Variants in CNGB3 observed in about 807,000 individuals in gnomAD.
The protein encoded by CNGB3 is cyclic nucleotide gated channel subunit beta 3, also known as cyclic nucleotide-gated channel beta-3.
In CNGB3, 86 loss-of-function variants were observed where a neutral mutation model predicts 92.8. The ratio of observed to expected loss-of-function variants is 0.93; its 90% CI spans 0.78 to 1.11. CNGB3 has a LOEUF of 1.11. Among genes scored for constraint, CNGB3 ranks in the 50% least tolerant of loss-of-function variants. CNGB3 has a pLI of 0.00. For synonymous variants in CNGB3, 333 were observed against 332.7 expected (o/e 1.00, Z -0.01); for missense variants, 1,026 against 956.8 (o/e 1.07, Z -0.95).
chr8:86,685,071 G>C (rs4961208), intron 3 of CNGB3, among the ~76,000 whole-genome samples: 42,945 of 151,994 alleles, frequency 0.28, 6,361 homozygotes, highest in East Asian at 0.4. Context: ...TCAATATCCT[G>C]GTTGTGAGAT....
chr8:86,641,001 A>G lies in CNGB3; in HGVS notation c.1178+2750T>C, dbSNP rs530401498. ...GAAACAGGAGGTTGGCACAAGATACAGGTAACAGAGAGCTTGCTGATAAAT... is the reference window on the plus strand; with the variant it reads ...GAAACAGGAGGTTGGCACAAGATACGGGTAACAGAGAGCTTGCTGATAAAT... On this transcript the variant is annotated intron_variant, in intron 10 of 17. Transcript: ENST00000320005. 3.7e-4 allele frequency among the ~76,000 whole-genome samples: 56 copies of G among 152,136 alleles called. 1 individual carries two copies. The highest frequency in any genetic ancestry group is 3.3e-3 in the Admixed American group (50 of 15,244).
At chr8:86,672,445 C>T (rs1330031767) in intron 3 of CNGB3, among the ~76,000 whole-genome samples, 4 of 152,136 alleles carry the variant, frequency 2.6e-5, no homozygotes, top group Non-Finnish European at 4.4e-5. Flanking sequence ...TAGCATGGAG[C>T]ATAGAGTAGA....
chr8:86,709,008 C>G (rs1181754430), intron 3 of CNGB3, among the ~76,000 whole-genome samples: 1 of 152,070 alleles, frequency 6.6e-6, no homozygotes, highest in African/African-American at 2.4e-5. Flanking sequence ...ATGTGCAGCC[C>G]AGGGAGCCAT....
chr8:86,695,109 A>G (rs1458786713), intron 3 of CNGB3, among the ~76,000 whole-genome samples: 2 of 152,118 alleles, frequency 1.3e-5, no homozygotes, highest in East Asian at 3.9e-4. Flanking sequence ...AGCCTGGCCA[A>G]CACAGCGAAA....
intron 3 of CNGB3, among the ~76,000 whole-genome samples, chr8:86,715,984 A>T (rs1185127069): frequency 2.6e-5 from 4 of 152,040 alleles, no homozygotes; most frequent in East Asian, 3.9e-4. Flanking sequence ...ATAATAATAA[A>T]AAAAATTAAA....
At position 86,658,019 on chromosome 8, in the gene CNGB3, G is replaced by C. The variant is rs117151073; in HGVS notation, c.853-3957C>G. The C allele has an allele frequency of 2.2e-4, 121 of 546,506 alleles. 1 individual carries two copies. In the East Asian group the frequency reaches 5.1e-3, roughly 23 times the overall value. The allele number at this position is 546,506 out of a possible 1,614,324, so 33.9% of individuals were successfully genotyped here. A position where few individuals can be genotyped will look rare whatever the true frequency, so the allele number is the denominator to read the frequency against. Reference sequence around the variant, plus strand: ...TCCAGTTTTTCCATCTGCTCCTTCAGGTCCACCTTCTCCTGCATGAGCTCC... The same window carrying C: ...TCCAGTTTTTCCATCTGCTCCTTCACGTCCACCTTCTCCTGCATGAGCTCC... On this transcript the variant is annotated intron_variant, in intron 6 of 17. Transcript: ENST00000320005.
chr8:86,665,925 T>C (rs894486622), intron 6 of CNGB3, among the ~76,000 whole-genome samples: 2 of 152,204 alleles, frequency 1.3e-5, no homozygotes, highest in African/African-American at 2.4e-5. Context: ...TCATGAAAGC[T>C]TTGCTTTGTA....
rs1823587222 is a variant in CNGB3 at position 86,659,432 on chromosome 8, A to G, written c.853-5370T>C. 4.5e-6 allele frequency: 3 copies of G among 668,428 alleles called. No individual in the cohort carries two copies. The African/African-American group carries it at 5.4e-5, about 12-fold the overall frequency. The allele number at this position is 668,428 out of a possible 1,614,324, so 41.4% of individuals were successfully genotyped here. ...CTTCTTTTGCAGATCCTCCAAGTTG[A>G]GCTGGATTCCTGACTTCTCTGTCAC... On this transcript the variant is annotated intron_variant, in intron 6 of 17. Transcript: ENST00000320005.
chr8:86,731,790 A>C (rs917708246), intron 2 of CNGB3, among the ~76,000 whole-genome samples: 2 of 152,210 alleles, frequency 1.3e-5, no homozygotes, highest in African/African-American at 4.8e-5. Context: ...ACTCCATTTG[A>C]GAAAAATGCA....
intron 3 of CNGB3, among the ~76,000 whole-genome samples, chr8:86,673,277 T>A (rs1477506313): frequency 6.6e-6 from 1 of 152,210 alleles, no homozygotes; most frequent in Non-Finnish European, 1.5e-5. Flanking sequence ...GTAGAGGAAG[T>A]ACACTGTCTT....
At chr8:86,640,795 T>C (rs1348135972) in intron 10 of CNGB3, among the ~76,000 whole-genome samples, 1 of 152,104 alleles carries the variant, frequency 6.6e-6, no homozygotes, top group Non-Finnish European at 1.5e-5. Flanking sequence ...AAGCTTATTT[T>C]GACTAATGTT....
chr8:86,659,851 G>T (rs778988560), intron 6 of CNGB3: 1 of 419,916 alleles, frequency 2.4e-6, no homozygotes, highest in South Asian at 1.9e-5. Context: ...TGTTTCTCCA[G>T]ATCCTTCAGG....
At chr8:86,633,285 C>A (rs1266077202) in intron 10 of CNGB3, among the ~76,000 whole-genome samples, 1 of 152,162 alleles carries the variant, frequency 6.6e-6, no homozygotes, top group Admixed American at 6.5e-5. Flanking sequence ...TGATTGAAAC[C>A]AAATGTCTGA....
intron 3 of CNGB3, among the ~76,000 whole-genome samples, chr8:86,717,139 T>C (rs1824870292): frequency 6.6e-6 from 1 of 152,048 alleles, no homozygotes; most frequent in Non-Finnish European, 1.5e-5. Context: ...TATATAATGG[T>C]AGAAGGACTA....
chr8:86,632,786 G>A lies in CNGB3; in HGVS notation c.1286C>T (p.Ser429Phe). ...TAAACTGGAGAACACAAAAACTCCA[G>A]AAAAAAAATTCAAGAGTTGAAAAAC... ...EIVFQLLNFF[S>F]GVFVFSSLIG... The change falls in exon 11 of 18, where the codon TCT (serine) becomes TTT (phenylalanine). Residue 429 changes from serine to phenylalanine, a missense_variant. Ser to Phe is a radical substitution (Grantham distance 155). Transcript: ENST00000320005. 1 of 1,612,528 alleles carries A rather than the reference G, an allele frequency of 6.2e-7. No individual in the cohort carries two copies. The highest frequency in any genetic ancestry group is 8.5e-7 in the Non-Finnish European group (1 of 1,179,600).
intron 3 of CNGB3, among the ~76,000 whole-genome samples, chr8:86,720,301 G>GA (rs1366013361): frequency 5.9e-5 from 9 of 151,600 alleles, no homozygotes; most frequent in Non-Finnish European, 8.8e-5. Context: ...ACATCAGCAA[G>GA]AAAAAAAACA....
intron 15 of CNGB3, among the ~76,000 whole-genome samples, chr8:86,597,905 G>T (rs1212283014): frequency 6.6e-6 from 1 of 152,124 alleles, no homozygotes; most frequent in East Asian, 1.9e-4. Context: ...TTGAACATGG[G>T]AAGTGGAGGT....
intron 7 of CNGB3, among the ~76,000 whole-genome samples, chr8:86,648,948 A>T (rs955149236): frequency 6.6e-6 from 1 of 151,440 alleles, no homozygotes; most frequent in South Asian, 2.1e-4. Context: ...AACAAATTCA[A>T]TAAAGTCTCA....
chr8:86,634,751 C>T (rs1563734909), intron 10 of CNGB3, among the ~76,000 whole-genome samples: 2 of 151,314 alleles, frequency 1.3e-5, no homozygotes, highest in Non-Finnish European at 2.9e-5. Context: ...CCACATATAA[C>T]ATTAGCACTT....
Sources: allele counts gnomAD v4.1 joint callset (sites outside exome capture counted in the v4.1 genomes callset), GRCh38; gene constraint gnomAD v4.1.1; transcripts MANE v1.5; gene names NCBI Gene and HGNC (gene_info 2026-07-23, HGNC 2026-07-21).